LATS1: variants seen among roughly 807,000 people sequenced by gnomAD.
The protein encoded by LATS1 is large tumor suppressor kinase 1, also known as serine/threonine-protein kinase LATS1.
A neutral mutation model predicts 106.6 loss-of-function variants in LATS1; 25 were observed. The observed-to-expected ratio is 0.23, with a 90% CI of 0.17 to 0.33. LATS1 has a LOEUF of 0.33. LATS1 is among the 10% of genes least tolerant of loss of function. The pLI is 1.00. For missense variants in LATS1, 1,040 were observed against 1,382.6 expected (o/e 0.75, Z 3.93); for synonymous variants, 465 against 455.6 (o/e 1.02, Z -0.26).
rs1582893711 is a variant in LATS1 at position 149,691,885 on chromosome 6, T to G, written c.496+3189A>C. On this transcript the variant is annotated intron_variant, in intron 3 of 7. Coordinates refer to ENST00000543571, the MANE Select transcript of LATS1 (RefSeq NM_004690.4). ...TAGGGTATTATCATCCATCTATTTT[T>G]CTAAGCCAAAAACCTAAGTTATCCC... Among the ~76,000 whole-genome samples, 2 of 152,316 alleles carry G rather than the reference T, an allele frequency of 1.3e-5. 1 individual carries two copies. Among genetic ancestry groups the G allele is most frequent in the South Asian group, 4.1e-4 (2 of 4,828 alleles).
intron 7 of LATS1, among the ~76,000 whole-genome samples, chr6:149,670,934 AT>A (rs1219187951): frequency 1.3e-5 from 2 of 150,614 alleles, no homozygotes; most frequent in Admixed American, 6.6e-5. Context: ...GTTTTGATGA[AT>A]TTTTTTTTCT....
intron 3 of LATS1, among the ~76,000 whole-genome samples, chr6:149,685,037 ACCAG>A (rs1297574533): frequency 6.6e-6 from 1 of 151,934 alleles, no homozygotes. Context: ...GGAGTTCGAG[ACCAG>A]CCTGGCCAAC....
intron 3 of LATS1, among the ~76,000 whole-genome samples, chr6:149,686,968 C>G (rs1015916542): frequency 2.0e-5 from 3 of 152,182 alleles, no homozygotes; most frequent in Non-Finnish European, 4.4e-5. Flanking sequence ...GCTCTTGTTT[C>G]AGAATAACTA....
intron 4 of LATS1, among the ~76,000 whole-genome samples, chr6:149,682,309 CTTT>C (rs1266685791): frequency 6.6e-6 from 1 of 151,816 alleles, no homozygotes; most frequent in Non-Finnish European, 1.5e-5. Flanking sequence ...CTTCTTTACA[CTTT>C]TTAATAAGAT....
intron 7 of LATS1, among the ~76,000 whole-genome samples, chr6:149,675,478 TAGA>T (rs780358699): frequency 2.6e-5 from 4 of 152,076 alleles, no homozygotes; most frequent in Non-Finnish European, 5.9e-5. Context: ...GTAGTTTGCA[TAGA>T]AGGAGACAAG....
intron 4 of LATS1, among the ~76,000 whole-genome samples, chr6:149,682,104 T>C (rs1466047521): frequency 3.1e-5 from 4 of 130,606 alleles, no homozygotes; most frequent in Non-Finnish European, 6.4e-5. Context: ...GAGTGAGATG[T>C]CGTCTCAAAA....
At chr6:149,714,783 T>C (rs1397848980) in intron 1 of LATS1, among the ~76,000 whole-genome samples, 2 of 152,166 alleles carry the variant, frequency 1.3e-5, no homozygotes, top group Non-Finnish European at 2.9e-5. Flanking sequence ...ACCGAAGTAA[T>C]TCAGAAGGAT....
Position 149,683,087 on chromosome 6 carries a change from T to C in LATS1, c.2002A>G (p.Met668Val). The change falls in exon 4 of 8, where the codon ATG becomes GTG. Residue 668 changes from methionine to valine, a missense_variant. Around this residue, in one of 7 missense-constraint regions of LATS1, gnomAD observed 167 missense variants for 332.1 expected, o/e 0.50. Coordinates refer to ENST00000543571, the MANE Select transcript of LATS1 (RefSeq NM_004690.4). ...ATTTTAAAAGGTTTTACCCGCATCA[T>C]TTCATTCTCTAATTGTTTTTTACGA... Reference protein sequence around the residue: ...LHRKKQLENEMMRVGLSQDAQ... With the variant: ...LHRKKQLENEVMRVGLSQDAQ... 1 of 1,610,440 alleles carries C rather than the reference T, an allele frequency of 6.2e-7. No homozygotes were observed. Among genetic ancestry groups the C allele is most frequent in the South Asian group, 1.1e-5 (1 of 90,426 alleles).
rs571061471 is a variant in LATS1, at chr6:149,680,329, T to C, written c.2139A>G (p.Ile713Met). The C allele has an allele frequency of 1.2e-6, 2 of 1,613,944 alleles. No individual in the cohort carries two copies. Among genetic ancestry groups the C allele is most frequent in the South Asian group, 1.1e-5 (1 of 91,084 alleles). Reference sequence around the variant, plus strand: ...CTAGACAGACTTCACCAAATGCTCCTATTCCTAGTGTCTTTATCTTCACAA... The same window carrying C: ...CTAGACAGACTTCACCAAATGCTCCCATTCCTAGTGTCTTTATCTTCACAA... ...SMFVKIKTLGIGAFGEVCLAR... is the reference protein window; with the variant it reads ...SMFVKIKTLGMGAFGEVCLAR... The change falls in exon 5 of 8, where the codon ATA (isoleucine) becomes ATG (methionine). Residue 713 changes from isoleucine (I) to methionine (M), a missense_variant. By Grantham distance (10) the Ile-to-Met change is conservative. Coordinates refer to ENST00000543571, the MANE Select transcript of LATS1 (RefSeq NM_004690.4).
At position 149,718,037 on chromosome 6, in the gene LATS1, C is replaced by T. The variant is rs1023118498; in HGVS notation, c.-329G>A. 1 of 336,462 alleles carries T rather than the reference C, an allele frequency of 3.0e-6. No homozygotes were observed. Among genetic ancestry groups the T allele is most frequent in the Non-Finnish European group, 5.7e-6 (1 of 174,548 alleles). The allele number at this position is 336,462 out of a possible 1,614,324, so 20.8% of individuals were successfully genotyped here. ...GAGGACCTGGCTCTCCCCTTAACAC[C>T]AGGCCACCGCCGCCGCCGCCGCCAT... On this transcript the variant is annotated 5_prime_UTR_variant, in exon 1 of 8. An upstream open reading frame in the 5' UTR gains an earlier in-frame stop. Transcript: ENST00000543571.
At chr6:149,685,912 A>G (rs1266331572) in intron 3 of LATS1, among the ~76,000 whole-genome samples, 2 of 152,200 alleles carry the variant, frequency 1.3e-5, no homozygotes, top group East Asian at 1.9e-4. Context: ...ACATATATAC[A>G]TTCTAGAAAG....
chr6:149,682,463 G>C (rs1782102312), intron 4 of LATS1, among the ~76,000 whole-genome samples: 2 of 148,592 alleles, frequency 1.3e-5, no homozygotes, highest in African/African-American at 5.0e-5. Context: ...CCACACTGGA[G>C]TGCAGTGGCG....
intron 7 of LATS1, among the ~76,000 whole-genome samples, chr6:149,664,723 A>C (rs1781052567): frequency 6.6e-6 from 1 of 152,198 alleles, no homozygotes; most frequent in African/African-American, 2.4e-5. Context: ...CCATTTAAAA[A>C]AAATTATTTT....
At chr6:149,673,156 G>T (rs1379991940) in intron 7 of LATS1, among the ~76,000 whole-genome samples, 3 of 145,300 alleles carry the variant, frequency 2.1e-5, no homozygotes, top group Non-Finnish European at 4.5e-5. Context: ...GAGTGCAGTG[G>T]TATAATCATG....
intron 4 of LATS1, among the ~76,000 whole-genome samples, chr6:149,680,851 G>A (rs777821591): frequency 4.0e-5 from 6 of 151,050 alleles, no homozygotes; most frequent in Non-Finnish European, 7.4e-5. Flanking sequence ...GAATGCCTAG[G>A]CCTCAAATAT....
At chr6:149,686,714 G>A (rs758487916) in intron 3 of LATS1, among the ~76,000 whole-genome samples, 1 of 152,134 alleles carries the variant, frequency 6.6e-6, no homozygotes, top group Non-Finnish European at 1.5e-5. Flanking sequence ...TGAACTTCAT[G>A]CTATGTGGGA....
chr6:149,677,974 C>G lies in LATS1; in HGVS notation c.2594-1237G>C, dbSNP rs563962263. Among the ~76,000 whole-genome samples the G allele has an allele frequency of 4.7e-5, 7 of 148,916 alleles. No individual in the cohort carries two copies. In the East Asian group the frequency reaches 8.0e-4, roughly 17 times the overall value. On this transcript the variant is annotated intron_variant, in intron 5 of 7. Transcript: ENST00000543571. Reference sequence around the variant, plus strand: ...GATGGAGGTTGCAGTGGGCCGAGATCGCGCCACTGCACTCCAGCCTGGCAA... The same window carrying G: ...GATGGAGGTTGCAGTGGGCCGAGATGGCGCCACTGCACTCCAGCCTGGCAA...
intron 1 of LATS1, among the ~76,000 whole-genome samples, chr6:149,702,962 C>T (rs1157254811): frequency 1.3e-5 from 2 of 150,294 alleles, no homozygotes; most frequent in African/African-American, 2.4e-5. Context: ...TGTGAGCCAC[C>T]GTGCCCAGCC....
chr6:149,700,435 T>C (rs1033365835), intron 2 of LATS1, among the ~76,000 whole-genome samples: 1 of 152,112 alleles, frequency 6.6e-6, no homozygotes, highest in African/African-American at 2.4e-5. Flanking sequence ...ATCGCACCAC[T>C]GCACTCCAGT....
Sources: gnomAD v4.1 joint callset for allele counts (sites outside exome capture counted in the v4.1 genomes callset) on GRCh38, gnomAD v4.1.1 for gene constraint, gnomAD v4.1.1 regional missense constraint, MANE v1.5 for transcripts, NCBI Gene and HGNC (gene_info 2026-07-23, HGNC 2026-07-21) for gene names.